Variants in TTC34 observed in about 807,000 individuals in gnomAD.
TTC34 encodes the protein tetratricopeptide repeat domain 34.
Under a neutral mutation model 40.7 loss-of-function variants are expected in TTC34, and 44 were observed. The ratio of observed to expected loss-of-function variants is 1.08; its 90% CI spans 0.85 to 1.39. The LOEUF is 1.39. TTC34 is among the 40% of genes most tolerant of loss of function. The pLI is 0.00. For missense variants in TTC34, 884 were observed against 838.0 expected (o/e 1.05, Z -0.68); for synonymous variants, 422 against 398.6 (o/e 1.06, Z -0.70).
At chr1:2,751,762 C>T (rs1641328183) in intron 6 of TTC34, among the ~76,000 whole-genome samples, 2 of 148,476 alleles carry the variant, frequency 1.3e-5, no homozygotes, top group Non-Finnish European at 3.0e-5. Context: ...AGAGCAGCAC[C>T]CCACACCCAC....
chr1:2,762,149 C>A (rs1641698932), intron 6 of TTC34, among the ~76,000 whole-genome samples: 1 of 59,796 alleles, frequency 1.7e-5, no homozygotes, highest in African/African-American at 1.2e-4. Context: ...GAGCATCTGA[C>A]AGCCTGGAGC....
At chr1:2,674,862 T>A (rs1420630541) in intron 6 of TTC34, among the ~76,000 whole-genome samples, 1 of 60,340 alleles carries the variant, frequency 1.7e-5, no homozygotes, top group Non-Finnish European at 3.9e-5. Context: ...CATCGTAGAG[T>A]CTGGAGCAGC....
chr1:2,746,515 C>T, intron 6 of TTC34, among the ~76,000 whole-genome samples: 1 of 43,638 alleles, frequency 2.3e-5, no homozygotes, highest in Non-Finnish European at 3.5e-5. Flanking sequence ...GGCACACCCC[C>T]AGGTGAGGAT....
intron 6 of TTC34, among the ~76,000 whole-genome samples, chr1:2,681,098 C>A (rs1168623491): frequency 1.2e-5 from 1 of 85,176 alleles, no homozygotes; most frequent in African/African-American, 4.1e-5. Flanking sequence ...AGAGCAGTGC[C>A]CACACCCCCA....
At chr1:2,799,360 T>C (rs1643749113) in intron 2 of TTC34, among the ~76,000 whole-genome samples, 1 of 152,166 alleles carries the variant, frequency 6.6e-6, no homozygotes. Context: ...CTGGCCAACA[T>C]GATGAAACTC....
chr1:2,794,314 ATTCT>A (rs1215345212), intron 2 of TTC34, among the ~76,000 whole-genome samples: 1 of 152,158 alleles, frequency 6.6e-6, no homozygotes. Flanking sequence ...GGCTATAGGT[ATTCT>A]TTATTATCTT....
At chr1:2,785,687 A>G in intron 5 of TTC34, 132 bp downstream of exon 5, 1 of 1,041,326 alleles carries the variant, frequency 9.6e-7, no homozygotes, top group Non-Finnish European at 1.3e-6. Context: ...GCCCTGTCCA[A>G]CCCGTGGGTG....
exon 9 of TTC34, chr1:2,638,219 C>G (rs1638828035): frequency 1.3e-5 from 2 of 152,154 alleles, no homozygotes; most frequent in Admixed American, 1.3e-4. Flanking sequence ...AGGAAGGAAC[C>G]ACTTTCACAC....
intron 6 of TTC34, among the ~76,000 whole-genome samples, chr1:2,758,748 C>G (rs1641593806): frequency 1.5e-5 from 1 of 67,312 alleles, no homozygotes. Context: ...CCTGGAACAG[C>G]ACCCTGCACC....
chr1:2,751,453 GT>G (rs1249847135), intron 6 of TTC34, among the ~76,000 whole-genome samples: 26,556 of 108,564 alleles, frequency 0.24, 7,843 homozygotes, highest in South Asian at 0.38. Flanking sequence ...AGACCCCCAG[GT>G]GAGCATCTGA....
intron 6 of TTC34, among the ~76,000 whole-genome samples, chr1:2,762,210 C>A: frequency 1.5e-5 from 1 of 66,504 alleles, no homozygotes; most frequent in Non-Finnish European, 2.9e-5. Context: ...AGCGCCCACA[C>A]CCCCGGGCGA....
chr1:2,687,925 A>C (rs1272052262), intron 6 of TTC34, among the ~76,000 whole-genome samples: 32 of 137,268 alleles, frequency 2.3e-4, no homozygotes, highest in African/African-American at 9.4e-4. Context: ...CAGCACCCAC[A>C]CGCCCAGGTG....
chr1:2,783,634 A>G, exon 6 of TTC34: 3 of 1,455,880 alleles, frequency 2.1e-6, no homozygotes, highest in Non-Finnish European at 1.8e-6. Flanking sequence ...GGCCAGGTGC[A>G]CCAACGCCCG....
rs1418584063 is a variant in TTC34 at position 2,752,815 on chromosome 1, C to A, written c.2226+30794G>T. Among the ~76,000 whole-genome samples, 28 of 128,662 alleles carry A rather than the reference C, an allele frequency of 2.2e-4. 1 individual carries two copies. Among genetic ancestry groups the A allele is most frequent in the African/African-American group, 5.7e-4 (18 of 31,394 alleles). 84.4% of individuals were successfully genotyped at this position (128,662 alleles called of 152,430 possible). ...GACAGCCTGGAACAGCTCCCTGCAT[C>A]CCCAGGTGCGCACCTGACAGACTGG... On this transcript the variant is annotated intron_variant, in intron 6 of 8. Coordinates refer to ENST00000401095, the Ensembl canonical transcript of TTC34.
At chr1:2,783,757 G>A (rs1051039842) in exon 6 of TTC34, 21 of 1,522,432 alleles carry the variant, frequency 1.4e-5, no homozygotes, top group Non-Finnish European at 1.6e-5. Flanking sequence ...GGCAAGGAGG[G>A]ACTCACTTGC....
At chr1:2,694,875 C>T (rs1344759855) in intron 6 of TTC34, among the ~76,000 whole-genome samples, 1 of 119,234 alleles carries the variant, frequency 8.4e-6, no homozygotes, top group South Asian at 2.6e-4. Context: ...CCCACAACCA[C>T]AGGTGAGCAT....
chr1:2,800,647 T>C (rs1036933008), exon 2 of TTC34: 7 of 398,414 alleles, frequency 1.8e-5, no homozygotes, highest in African/African-American at 1.2e-4. Context: ...GACTCCAGGG[T>C]GGCCACCACC....
chr1:2,696,605 GA>G (rs1241081653), intron 6 of TTC34, among the ~76,000 whole-genome samples: 3 of 70,186 alleles, frequency 4.3e-5, no homozygotes, highest in Non-Finnish European at 8.8e-5. Flanking sequence ...CACACTCCCA[GA>G]CGAGCATAGG....
At chr1:2,775,294 G>A (rs1351868378) in intron 6 of TTC34, 2 of 151,096 alleles carry the variant, frequency 1.3e-5, no homozygotes, top group African/African-American at 2.5e-5. Flanking sequence ...CGACAGCCTG[G>A]AACAGAATTC....
Sources: gnomAD v4.1 joint callset for allele counts (sites outside exome capture counted in the v4.1 genomes callset) on GRCh38, gnomAD v4.1.1 for gene constraint, MANE v1.5 for transcripts, NCBI Gene and HGNC (gene_info 2026-07-23, HGNC 2026-07-21) for gene names.